Variants in CHD5 observed in about 807,000 individuals in gnomAD.
The protein encoded by CHD5 is chromodomain helicase DNA binding protein 5, also known as ATP-dependent chromatin remodeler CHD5.
Under a neutral mutation model 230.3 loss-of-function variants are expected in CHD5, and 69 were observed. That is an observed-to-expected ratio of 0.30 (90% CI 0.25 to 0.37). The LOEUF is 0.37. Ranked by LOEUF, CHD5 falls within the 10% of genes least tolerant of loss-of-function variation. CHD5 has a pLI of 1.00. For synonymous variants in CHD5, 1,064 were observed against 1,065.9 expected, an observed-to-expected ratio of 1.00 and a Z score of 0.03; for missense variants, 1,827 against 2,622.8, an observed-to-expected ratio of 0.70 and a Z score of 6.63.
intron 33 of CHD5, among the ~76,000 whole-genome samples, chr1:6,119,129 C>T (rs995858650): frequency 1.3e-5 from 2 of 151,474 alleles, no homozygotes; most frequent in African/African-American, 4.9e-5. Flanking sequence ...AAAGAGCAAC[C>T]CAAATCAGCA....
rs563405632 is a variant in CHD5, at chr1:6,161,959, G to A, written c.208-2444C>T. Among the ~76,000 whole-genome samples the A allele has an allele frequency of 2.1e-3, 315 of 152,280 alleles. No individual in the cohort carries two copies. The Middle Eastern group carries it at 0.024, about 12-fold the overall frequency. On this transcript the variant is annotated intron_variant, in intron 2 of 41. Coordinates refer to ENST00000262450, the MANE Select transcript of CHD5 (RefSeq NM_015557.3). Reference sequence around the variant, plus strand: ...CCTACGTGGCCTGCCAGTGAGTCCCGGGCTCCCCAGGGAGGCTCTGCCCCT... The same window carrying A: ...CCTACGTGGCCTGCCAGTGAGTCCCAGGCTCCCCAGGGAGGCTCTGCCCCT...
intron 2 of CHD5, among the ~76,000 whole-genome samples, chr1:6,165,707 G>A (rs1272690220): frequency 6.6e-6 from 1 of 152,100 alleles, no homozygotes; most frequent in African/African-American, 2.4e-5. Flanking sequence ...GACCTCTGGG[G>A]CCAGGGGACA....
At chr1:6,123,844 GGA>G (rs1666510294) in intron 31 of CHD5, 102 bp downstream of exon 31, 2 of 762,992 alleles carry the variant, frequency 2.6e-6, no homozygotes, top group Non-Finnish European at 3.8e-6. Flanking sequence ...TTTGGGGGAA[GGA>G]GAGGCCGTCT....
intron 33 of CHD5, among the ~76,000 whole-genome samples, chr1:6,119,386 C>A (rs1055271113): frequency 6.6e-6 from 1 of 152,132 alleles, no homozygotes; most frequent in Non-Finnish European, 1.5e-5. Flanking sequence ...GCATGAGCCA[C>A]CGCACCTGGC....
intron 2 of CHD5, among the ~76,000 whole-genome samples, chr1:6,162,510 C>T (rs1289109867): frequency 1.3e-5 from 2 of 152,092 alleles, no homozygotes; most frequent in African/African-American, 4.8e-5. Context: ...GGACGTGCAC[C>T]CAGGTCTCCA....
chr1:6,165,480 G>A (rs1667237140), intron 2 of CHD5, among the ~76,000 whole-genome samples: 2 of 152,172 alleles, frequency 1.3e-5, no homozygotes, highest in South Asian at 4.1e-4. Flanking sequence ...AGAGGAGGTG[G>A]GCAGTGGGTG....
rs199924699 is a variant in CHD5, at chr1:6,151,058, C to G, written c.968G>C (p.Ser323Thr). Reference sequence around the variant, plus strand: ...CCTCTTCTTCTTGCGCCTCCTCTTGCTCTTCTTGCCCAGGGCTGCAGAGCA... The same window carrying G: ...CCTCTTCTTCTTGCGCCTCCTCTTGGTCTTCTTGCCCAGGGCTGCAGAGCA... ...SECSAALGKK[S>T]KRRRKKKRID... is the part of the protein sequence containing the mutation. Residue 323 changes from serine (S) to threonine (T), a missense_variant, in exon 7 of 42, where the codon AGC becomes ACC. Ser to Thr is a moderately conservative substitution (Grantham distance 58). Around this residue, in one of 14 missense-constraint regions of CHD5, gnomAD observed 657 missense variants for 816.4 expected, o/e 0.80. Coordinates refer to ENST00000262450, the MANE Select transcript of CHD5 (RefSeq NM_015557.3). 5.0e-6 allele frequency: 8 copies of G among 1,592,056 alleles called. No individual in the cohort carries two copies. The highest frequency in any genetic ancestry group is 6.9e-6 in the Non-Finnish European group (8 of 1,166,438).
At chr1:6,145,138 G>A (rs540859477) in intron 11 of CHD5, among the ~76,000 whole-genome samples, 7 of 152,106 alleles carry the variant, frequency 4.6e-5, no homozygotes, top group Non-Finnish European at 8.8e-5. Flanking sequence ...ATAGTTGAAG[G>A]GGGGCAGTTT....
intron 33 of CHD5, among the ~76,000 whole-genome samples, chr1:6,119,708 T>C (rs921418250): frequency 1.3e-5 from 2 of 151,652 alleles, no homozygotes; most frequent in East Asian, 3.9e-4. Context: ...CATATATATA[T>C]ACGTGTGTGT....
Position 6,167,207 on chromosome 1 carries a change from G to A in CHD5, c.207+943C>T, listed in dbSNP as rs755828226. On this transcript the variant is annotated intron_variant, in intron 2 of 41. Coordinates refer to ENST00000262450, the MANE Select transcript of CHD5 (RefSeq NM_015557.3). This position sits in a 1 kb window ranked among gnomAD's most constrained non-coding sequence, Gnocchi z 4.5. ...GCCTCAGGTCCCCCCGGGGCAGGTG[G>A]GAGGGGAGAAACACTCCTGGCAGCG... 1.8e-4 allele frequency among the ~76,000 whole-genome samples: 28 copies of A among 151,896 alleles called. No homozygotes were observed. The highest frequency in any genetic ancestry group is 3.7e-4 in the Non-Finnish European group (25 of 68,036).
At chr1:6,140,670 A>C (rs1191378954) in intron 15 of CHD5, among the ~76,000 whole-genome samples, 1 of 152,102 alleles carries the variant, frequency 6.6e-6, no homozygotes, top group Admixed American at 6.5e-5. Flanking sequence ...ATTCATGTCC[A>C]CCCAGAAGCT....
Position 6,130,180 on chromosome 1 carries a change from G to C in CHD5, c.3387+24C>G, listed in dbSNP as rs750810107. ...CCGGGATGAGAGGCCCCCTGGGAGG[G>C]TGGTGGGCGGCAGCAGCACAGACCT... On this transcript the variant is annotated intron_variant, in intron 22 of 41. Transcript: ENST00000262450. This position sits in a 1 kb window ranked among gnomAD's most constrained non-coding sequence, Gnocchi z 4.9. The C allele has an allele frequency of 6.2e-7, 1 of 1,612,972 alleles. No homozygotes were observed. The highest frequency in any genetic ancestry group is 1.3e-5 in the African/African-American group (1 of 74,922).
chr1:6,111,947 G>T, intron 35 of CHD5, 64 bp from the exon 36 acceptor site: 1 of 1,490,866 alleles, frequency 6.7e-7, no homozygotes, highest in Non-Finnish European at 9.3e-7. Context: ...AGGCAGGCTT[G>T]GAGAGCCGCT....
At chr1:6,177,190 A>T (rs1242032488) in intron 1 of CHD5, among the ~76,000 whole-genome samples, 1 of 152,244 alleles carries the variant, frequency 6.6e-6, no homozygotes, top group African/African-American at 2.4e-5. Context: ...CTCCAGCCAC[A>T]AACTTCCATC....
chr1:6,162,982 AG>A (rs959212615), intron 2 of CHD5, among the ~76,000 whole-genome samples: 3 of 152,032 alleles, frequency 2.0e-5, no homozygotes, highest in Middle Eastern at 3.2e-3. Flanking sequence ...AGGGATAGGG[AG>A]GGGAAGGCAC....
In CHD5 at chr1:6,128,407, G is replaced by A. The variant is rs919754554; in HGVS notation, c.3730+92C>T. 2.7e-5 allele frequency: 32 copies of A among 1,196,404 alleles called. No individual in the cohort carries two copies. The highest frequency in any genetic ancestry group is 3.9e-5 in the Admixed American group (2 of 51,652). The allele number at this position is 1,196,404 out of a possible 1,614,324, so 74.1% of individuals were successfully genotyped here. ...GCCGCCCACCTGGCAGTCCCAGGAC[G>A]CCCAAGTGAGGGCAGGTCAGGGAAC... On this transcript the variant is annotated intron_variant, in intron 24 of 41. Transcript: ENST00000262450. This position sits in a 1 kb window ranked among gnomAD's most constrained non-coding sequence, Gnocchi z 7.8.
intron 13 of CHD5, among the ~76,000 whole-genome samples, chr1:6,143,342 C>G (rs1438047030): frequency 2.0e-5 from 3 of 152,204 alleles, no homozygotes; most frequent in Non-Finnish European, 2.9e-5. Flanking sequence ...CCATTTGTCT[C>G]TTGATCCTGC....
intron 2 of CHD5, among the ~76,000 whole-genome samples, chr1:6,166,574 G>A (rs763442253): frequency 1.3e-5 from 2 of 152,072 alleles, no homozygotes; most frequent in African/African-American, 4.8e-5. Context: ...AACTCCGTGG[G>A]GACCAAGGAC....
chr1:6,146,923 C>T lies in CHD5; in HGVS notation c.1384-52G>A. ...TGGGGCTCAGCTGCAGGGCCCCACC[C>T]TGAGGCTCCCATGACAGCAGGCTGC... is the stretch of plus-strand genomic sequence containing the variant. On this transcript the variant is annotated intron_variant, in intron 9 of 41. Coordinates refer to ENST00000262450, the MANE Select transcript of CHD5 (RefSeq NM_015557.3). This position sits in a 1 kb window ranked among gnomAD's most constrained non-coding sequence, Gnocchi z 5.1. 1 of 1,362,748 alleles carries T rather than the reference C, an allele frequency of 7.3e-7. No individual in the cohort carries two copies. Among genetic ancestry groups the T allele is most frequent in the Non-Finnish European group, 9.8e-7 (1 of 1,021,826 alleles). 84.4% of individuals were successfully genotyped at this position (1,362,748 alleles called of 1,614,324 possible).
Sources: allele counts gnomAD v4.1 joint callset (sites outside exome capture counted in the v4.1 genomes callset), GRCh38; gene constraint gnomAD v4.1.1; regional missense constraint gnomAD v4.1.1; non-coding constraint Gnocchi (gnomAD v3.1); transcripts MANE v1.5; gene names NCBI Gene and HGNC (gene_info 2026-07-23, HGNC 2026-07-21).